Variants in CLEC4A observed in about 807,000 individuals in gnomAD.
CLEC4A encodes the protein C-type (calcium dependent, carbohydrate-recognition domain) lectin, superfamily member 6.
A neutral mutation model predicts 32.7 loss-of-function variants in CLEC4A; 27 were observed. The ratio of observed to expected loss-of-function variants is 0.83; its 90% confidence interval spans 0.61 to 1.14. The LOEUF (loss-of-function observed/expected upper bound fraction) is 1.14, where lower values mean the gene tolerates loss of function less well. Ranked by LOEUF, CLEC4A falls within the 50% of genes most tolerant of loss-of-function variation. The probability of loss-of-function intolerance (pLI) is 0.00; values close to 1 mark genes in which losing one functional copy is unlikely to be tolerated. For synonymous variants in CLEC4A, 89 were observed against 93.7 expected, an observed-to-expected ratio of 0.95 and a Z score of 0.29; for missense variants, 253 against 274.6, an observed-to-expected ratio of 0.92 and a Z score of 0.55.
chr12:8,129,940 A>G (rs1301569271), intron 3 of CLEC4A, among the ~76,000 whole-genome samples: 1 of 152,090 alleles, frequency 6.6e-6, no homozygotes, highest in African/African-American at 2.4e-5. Flanking sequence ...GGCTCAAGTG[A>G]TCCTCCCATT....
At chr12:8,133,490 T>C (rs1948036346) in intron 3 of CLEC4A, among the ~76,000 whole-genome samples, 1 of 115,580 alleles carries the variant, frequency 8.7e-6, no homozygotes. Flanking sequence ...TATTCAATTA[T>C]AAAATTTCCA....
At chr12:8,136,760 G>C (rs1390495585) in intron 4 of CLEC4A, 28 bp from the exon 5 acceptor site, 1 of 1,376,008 alleles carries the variant, frequency 7.3e-7, no homozygotes, top group Non-Finnish European at 1.0e-6. Context: ...TACTGTAAAG[G>C]CTGTGACTCC....
At chr12:8,137,539 A>G (rs1948144781) in intron 5 of CLEC4A, among the ~76,000 whole-genome samples, 1 of 152,220 alleles carries the variant, frequency 6.6e-6, no homozygotes, top group Admixed American at 6.5e-5. Flanking sequence ...CATAAATTAC[A>G]TACTTTACAT....
chr12:8,133,003 C>G (rs1369801638), intron 3 of CLEC4A, among the ~76,000 whole-genome samples: 1 of 152,178 alleles, frequency 6.6e-6, no homozygotes, highest in Non-Finnish European at 1.5e-5. Flanking sequence ...CAACCTCTGC[C>G]TCCTGGGTTC....
intron 2 of CLEC4A, among the ~76,000 whole-genome samples, chr12:8,128,891 C>T (rs1177383185): frequency 2.0e-5 from 3 of 152,240 alleles, no homozygotes; most frequent in African/African-American, 7.2e-5. Context: ...CAGAACTCCT[C>T]AGAATTAATT....
chr12:8,103,373 G>GTTTTTTTTTTTTTTTTTTTTTTT, the CLEC4A span, among the ~76,000 whole-genome samples: 34 of 78,030 alleles, frequency 4.4e-4, 6 homozygotes, highest in African/African-American at 9.9e-4. Context: ...GTTTCTTTCT[G>GTTTTTTTTTTTTTTTTTTTTTTT]TTGTTTTTTT....
the CLEC4A span, among the ~76,000 whole-genome samples, chr12:8,117,395 C>T: frequency 6.6e-6 from 1 of 152,076 alleles, no homozygotes; most frequent in Non-Finnish European, 1.5e-5. Flanking sequence ...CTCATCACCA[C>T]ACCTGGCTAA....
chr12:8,135,847 C>A, intron 4 of CLEC4A, 111 bp downstream of exon 4: 1 of 1,118,038 alleles, frequency 8.9e-7, no homozygotes, highest in Non-Finnish European at 1.2e-6. Context: ...TGGCAGAAGG[C>A]TTTCAATAAA....
Position 8,129,171 on chromosome 12 carries a change from G to A in CLEC4A, c.200-93G>A, listed in dbSNP as rs979147256. ...TACTCCAGTAATAGGGCATTTGTAA[G>A]TTTTATTTCAATAAAGAATGCAAGA... On this transcript the variant is annotated intron_variant, in intron 2 of 5. Coordinates refer to ENST00000229332, the MANE Select transcript of CLEC4A (RefSeq NM_016184.4). 5 of 773,394 alleles carry A rather than the reference G, an allele frequency of 6.5e-6. No homozygotes were observed. In the African/African-American group the frequency reaches 8.8e-5, roughly 14 times the overall value. 47.9% of individuals were successfully genotyped at this position (773,394 alleles called of 1,614,324 possible). A position where few individuals can be genotyped will look rare whatever the true frequency, so the allele number is the denominator to read the frequency against.
intron 3 of CLEC4A, 87 bp from the exon 4 acceptor site, chr12:8,135,498 T>G: frequency 3.6e-6 from 5 of 1,374,418 alleles, no homozygotes; most frequent in Non-Finnish European, 5.0e-6. Flanking sequence ...TTCCATGTGC[T>G]CTCTCTTGGC....
At chr12:8,123,501 A>C (rs1356893878), upstream of CLEC4A, 1 of 170,328 alleles carries the variant, frequency 5.9e-6, no homozygotes, top group Non-Finnish European at 1.3e-5. Flanking sequence ...CAGAAATTGT[A>C]TTTTTTACTG....
At chr12:8,119,906 G>A (rs1947816775), upstream of CLEC4A, among the ~76,000 whole-genome samples, 1 of 152,020 alleles carries the variant, frequency 6.6e-6, no homozygotes, top group African/African-American at 2.4e-5. Flanking sequence ...GATCCCTTCA[G>A]GTTTTATGAT....
chr12:8,120,321 C>T (rs1473152317), upstream of CLEC4A, among the ~76,000 whole-genome samples: 1 of 152,140 alleles, frequency 6.6e-6, no homozygotes, highest in Non-Finnish European at 1.5e-5. Flanking sequence ...GAATCACCTT[C>T]TTAGCATAAA....
chr12:8,119,979 C>A (rs1007425083), upstream of CLEC4A, among the ~76,000 whole-genome samples: 1 of 152,160 alleles, frequency 6.6e-6, no homozygotes, highest in Admixed American at 6.5e-5. Flanking sequence ...TTTATTATAG[C>A]AAAAGGATAC....
In CLEC4A at chr12:8,125,678, G is replaced by GT; in HGVS notation, c.199+2dup. 1 of 1,551,744 alleles carries GT rather than the reference G, an allele frequency of 6.4e-7. No homozygotes were observed. The highest frequency in any genetic ancestry group is 8.9e-7 in the Non-Finnish European group (1 of 1,123,300). ...ATCTCATTCTTTATTGCTTTTGTCA[G>GT]TAAGTATGCCAACTGAACCAATAAG... On this transcript the variant is annotated splice_donor_variant, in intron 2 of 5. Coordinates refer to ENST00000229332, the MANE Select transcript of CLEC4A (RefSeq NM_016184.4). LOFTEE classifies it high-confidence loss of function.
At chr12:8,103,045 C>T in the CLEC4A span, among the ~76,000 whole-genome samples, 2 of 152,098 alleles carry the variant, frequency 1.3e-5, no homozygotes, top group Non-Finnish European at 2.9e-5. Flanking sequence ...TTTTCTAGCT[C>T]AACTCCCCTT....
upstream of CLEC4A, among the ~76,000 whole-genome samples, chr12:8,119,881 T>C (rs1327815158): frequency 6.6e-6 from 1 of 152,134 alleles, no homozygotes; most frequent in Non-Finnish European, 1.5e-5. Flanking sequence ...TGACTACAAA[T>C]TTGGGGTTTC....
At chr12:8,128,259 G>A (rs1047430144) in intron 2 of CLEC4A, among the ~76,000 whole-genome samples, 4 of 152,082 alleles carry the variant, frequency 2.6e-5, no homozygotes, top group Non-Finnish European at 5.9e-5. Flanking sequence ...AAGCCTTTAA[G>A]GAAGTCAAAT....
chr12:8,134,667 G>C, intron 3 of CLEC4A: 1 of 1,586,960 alleles, frequency 6.3e-7, no homozygotes, highest in South Asian at 1.1e-5. Flanking sequence ...CGGGGGACAT[G>C]GGGGAATCCC....
Sources: gnomAD v4.1 joint callset for allele counts (sites outside exome capture counted in the v4.1 genomes callset) on GRCh38, gnomAD v4.1.1 for gene constraint, MANE v1.5 for transcripts, NCBI Gene and HGNC (gene_info 2026-07-23, HGNC 2026-07-21) for gene names.